PITPNC1: variants seen among roughly 807,000 people sequenced by gnomAD.
PITPNC1 encodes phosphatidylinositol transfer protein cytoplasmic 1, also known as cytoplasmic phosphatidylinositol transfer protein 1.
In PITPNC1, 18 loss-of-function variants were observed where a neutral mutation model predicts 44.7. The observed-to-expected ratio is 0.40, with a 90% CI of 0.28 to 0.60. The LOEUF (loss-of-function observed/expected upper bound fraction) is 0.60, where lower values mean the gene tolerates loss of function less well. Among genes scored for constraint, PITPNC1 ranks in the 20% least tolerant of loss-of-function variants. The pLI is 0.39. For missense variants in PITPNC1, 290 were observed against 418.4 expected (o/e 0.69, Z 2.68); for synonymous variants, 141 against 149.6 (o/e 0.94, Z 0.42).
intron 4 of PITPNC1, among the ~76,000 whole-genome samples, chr17:67,577,127 A>T (rs2041159957): frequency 6.6e-6 from 1 of 151,544 alleles, no homozygotes; most frequent in East Asian, 1.9e-4. Context: ...TACCAAAAAA[A>T]TTTTAAAAAT....
chr17:67,657,331 C>A (rs7223950), intron 6 of PITPNC1, among the ~76,000 whole-genome samples: 8,389 of 152,126 alleles, frequency 0.055, 332 homozygotes, highest in East Asian at 0.2. Flanking sequence ...TTGAGATTGA[C>A]TAGATGAAAT....
chr17:67,611,460 T>G (rs1269898249), intron 5 of PITPNC1: 1 of 152,214 alleles, frequency 6.6e-6, no homozygotes, highest in Non-Finnish European at 1.5e-5. Context: ...TGAATGGTTT[T>G]GTTGTTGTTT....
At chr17:67,407,227 A>G (rs1188144978) in intron 1 of PITPNC1, among the ~76,000 whole-genome samples, 3 of 152,124 alleles carry the variant, frequency 2.0e-5, no homozygotes, top group African/African-American at 4.8e-5. Context: ...GTGGTATCTC[A>G]TTGTGATTTT....
At chr17:67,464,864 T>C (rs1296333800) in intron 1 of PITPNC1, among the ~76,000 whole-genome samples, 3 of 152,062 alleles carry the variant, frequency 2.0e-5, no homozygotes, top group African/African-American at 7.2e-5. Context: ...CTCAGCCTCC[T>C]GAGTAGCTGG....
intron 5 of PITPNC1, among the ~76,000 whole-genome samples, chr17:67,605,359 C>T (rs2041594994): frequency 6.6e-6 from 1 of 152,176 alleles, no homozygotes; most frequent in South Asian, 2.1e-4. Context: ...GAACCGTTTA[C>T]GGATTTTCCA....
intron 1 of PITPNC1, among the ~76,000 whole-genome samples, chr17:67,389,849 G>T (rs2038111174): frequency 6.6e-6 from 1 of 151,880 alleles, no homozygotes; most frequent in African/African-American, 2.4e-5. Flanking sequence ...CCGGCTAATT[G>T]TTTGTATTTT....
intron 1 of PITPNC1, among the ~76,000 whole-genome samples, chr17:67,531,615 G>A (rs1015001278): frequency 2.0e-5 from 3 of 152,212 alleles, no homozygotes; most frequent in African/African-American, 7.2e-5. Context: ...TAACTGCACT[G>A]TTGACTTGTG....
intron 5 of PITPNC1, chr17:67,611,513 G>C (rs2041686915): frequency 6.6e-6 from 1 of 152,264 alleles, no homozygotes; most frequent in South Asian, 2.1e-4. Flanking sequence ...TGCCCTGGTT[G>C]CCCAGGCTGG....
At chr17:67,424,874 G>A (rs1259338880) in intron 1 of PITPNC1, among the ~76,000 whole-genome samples, 1 of 151,898 alleles carries the variant, frequency 6.6e-6, no homozygotes, top group Non-Finnish European at 1.5e-5. Context: ...CAGATGGCCT[G>A]AAGCAACTGA....
At chr17:67,575,788 TTCTTTCC>T (rs201920976) in intron 4 of PITPNC1, among the ~76,000 whole-genome samples, 72,114 of 120,342 alleles carry the variant, frequency 0.6, 22,571 homozygotes, top group Middle Eastern at 0.76. Flanking sequence ...TTTCTTTTCT[TTCTTTCC>T]TTCTTTCTTT....
At chr17:67,584,163 C>T (rs1027604560) in intron 5 of PITPNC1, among the ~76,000 whole-genome samples, 1 of 152,068 alleles carries the variant, frequency 6.6e-6, no homozygotes, top group African/African-American at 2.4e-5. Flanking sequence ...GTTTTCACTC[C>T]TTTATACTCC....
At chr17:67,680,246 GGAACCTGT>G (rs1402803108) in intron 8 of PITPNC1, among the ~76,000 whole-genome samples, 5 of 152,088 alleles carry the variant, frequency 3.3e-5, no homozygotes, top group African/African-American at 9.7e-5. Context: ...GATTTTCAGA[GGAACCTGT>G]GAACCCTTCC....
At chr17:67,668,016 T>A (rs2042450283) in intron 6 of PITPNC1, among the ~76,000 whole-genome samples, 1 of 152,058 alleles carries the variant, frequency 6.6e-6, no homozygotes, top group Admixed American at 6.6e-5. Context: ...TTTACCTGTT[T>A]TTTTCATTCT....
At chr17:67,601,022 G>C (rs1386996541) in intron 5 of PITPNC1, among the ~76,000 whole-genome samples, 1 of 152,034 alleles carries the variant, frequency 6.6e-6, no homozygotes, top group Admixed American at 6.6e-5. Flanking sequence ...TTGGATAAGA[G>C]TAATTTACAT....
At chr17:67,675,881 G>C (rs2042591772) in intron 8 of PITPNC1, among the ~76,000 whole-genome samples, 1 of 152,176 alleles carries the variant, frequency 6.6e-6, no homozygotes, top group African/African-American at 2.4e-5. Flanking sequence ...ATCCTGTCAA[G>C]TAAAAGCAGT....
intron 4 of PITPNC1, among the ~76,000 whole-genome samples, chr17:67,556,707 A>G (rs1362388802): frequency 6.6e-6 from 1 of 152,204 alleles, no homozygotes; most frequent in African/African-American, 2.4e-5. Flanking sequence ...GTCCAGCTCA[A>G]TGGACAGGTC....
intron 6 of PITPNC1, among the ~76,000 whole-genome samples, chr17:67,634,529 G>A (rs749923575): frequency 1.6e-4 from 24 of 151,762 alleles, no homozygotes; most frequent in Admixed American, 1.6e-3. Flanking sequence ...GTGAGAAACT[G>A]TCTCAAAAAA....
intron 1 of PITPNC1, among the ~76,000 whole-genome samples, chr17:67,493,612 G>A (rs1195490475): frequency 6.6e-6 from 1 of 152,212 alleles, no homozygotes; most frequent in Non-Finnish European, 1.5e-5. Context: ...AAGATGTGCT[G>A]CTTTGGATTT....
At chr17:67,601,868 G>T (rs796366711) in intron 5 of PITPNC1, among the ~76,000 whole-genome samples, 2 of 152,118 alleles carry the variant, frequency 1.3e-5, no homozygotes, top group African/African-American at 4.8e-5. Flanking sequence ...CAGGCAAGGA[G>T]GGGGAGAAGG....
Sources: gnomAD v4.1 joint callset for allele counts (sites outside exome capture counted in the v4.1 genomes callset) on GRCh38, gnomAD v4.1.1 for gene constraint, MANE v1.5 for transcripts, NCBI Gene and HGNC (gene_info 2026-07-23, HGNC 2026-07-21) for gene names.